The following NDUFS4 variants were observed in gnomAD, a reference collection of about 807,000 sequenced individuals.
NDUFS4 encodes NADH:ubiquinone oxidoreductase subunit S4.
In NDUFS4, 28 loss-of-function variants were observed where a neutral mutation model predicts 24.3. That is an observed-to-expected ratio of 1.15 (90% confidence interval 0.85 to 1.58). NDUFS4 has a LOEUF of 1.58. NDUFS4 is among the 40% of genes most tolerant of loss of function. NDUFS4 has a pLI of 0.00. For missense variants in NDUFS4, 223 were observed against 207.9 expected, an observed-to-expected ratio of 1.07 and a Z score of -0.45; for synonymous variants, 93 against 69.7, an observed-to-expected ratio of 1.34 and a Z score of -1.67.
intron 4 of NDUFS4, among the ~76,000 whole-genome samples, chr5:53,660,157 C>T (rs1752290862): frequency 8.4e-6 from 1 of 119,590 alleles, no homozygotes. Flanking sequence ...CTCCCCCCAC[C>T]CCACAACAGG....
chr5:53,620,373 G>T (rs1750995572), intron 2 of NDUFS4, among the ~76,000 whole-genome samples: 1 of 152,028 alleles, frequency 6.6e-6, no homozygotes, highest in African/African-American at 2.4e-5. Flanking sequence ...CATTAATGAT[G>T]CAACATTGAT....
chr5:53,567,490 G>A (rs1749070640), intron 1 of NDUFS4, among the ~76,000 whole-genome samples: 1 of 152,060 alleles, frequency 6.6e-6, no homozygotes, highest in Non-Finnish European at 1.5e-5. Flanking sequence ...TTTTTGGTAA[G>A]GGACTTTTCA....
At chr5:53,630,939 G>A (rs1203479188) in intron 2 of NDUFS4, among the ~76,000 whole-genome samples, 1 of 152,168 alleles carries the variant, frequency 6.6e-6, no homozygotes, top group Admixed American at 6.5e-5. Context: ...GAGGAGTTAT[G>A]ATCCTTTGGA....
intron 2 of NDUFS4, among the ~76,000 whole-genome samples, chr5:53,645,275 A>AT (rs1751828169): frequency 6.6e-6 from 1 of 152,134 alleles, no homozygotes; most frequent in Non-Finnish European, 1.5e-5. Flanking sequence ...CTAAATGGAG[A>AT]TTTAACCCAT....
intron 1 of NDUFS4, among the ~76,000 whole-genome samples, chr5:53,579,296 A>G (rs1001473320): frequency 1.3e-5 from 2 of 152,240 alleles, no homozygotes; most frequent in African/African-American, 4.8e-5. Flanking sequence ...TTATATACAC[A>G]TGAATATATG....
At chr5:53,640,577 G>GAA (rs1751681612) in intron 2 of NDUFS4, among the ~76,000 whole-genome samples, 1 of 152,030 alleles carries the variant, frequency 6.6e-6, no homozygotes, top group Non-Finnish European at 1.5e-5. Context: ...AAGAGAGAGA[G>GAA]AATGTGTCAG....
chr5:53,659,525 G>A (rs553018150), intron 4 of NDUFS4, among the ~76,000 whole-genome samples: 1 of 152,172 alleles, frequency 6.6e-6, no homozygotes, highest in East Asian at 1.9e-4. Flanking sequence ...GATACTACTT[G>A]ATAACTATTA....
chr5:53,581,928 A>G (rs769422528), intron 1 of NDUFS4, among the ~76,000 whole-genome samples: 8 of 152,192 alleles, frequency 5.3e-5, no homozygotes, highest in Non-Finnish European at 1.2e-4. Flanking sequence ...AATGTGAGCT[A>G]GGGCTGGGCG....
intron 3 of NDUFS4, among the ~76,000 whole-genome samples, chr5:53,651,057 T>C (rs1752002912): frequency 6.6e-6 from 1 of 152,208 alleles, no homozygotes; most frequent in Non-Finnish European, 1.5e-5. Context: ...AAAAAGTTTT[T>C]TGAAGCAATA....
intron 3 of NDUFS4, among the ~76,000 whole-genome samples, chr5:53,655,159 T>C (rs993950351): frequency 3.9e-5 from 6 of 152,184 alleles, no homozygotes; most frequent in Non-Finnish European, 7.4e-5. Flanking sequence ...TATTGAAATA[T>C]ACATTAAGAA....
rs559576228 is a variant in NDUFS4 at position 53,589,655 on chromosome 5, C to A, written c.99-13797C>A. Among the ~76,000 whole-genome samples the A allele has an allele frequency of 4.6e-5, 7 of 152,118 alleles. No homozygotes were observed. The South Asian group carries it at 1.5e-3, about 32-fold the overall frequency. ...GGATTGAAGGATGCAAAGTATTGAT[C>A]CTGGGTGTGTCTGTGAGGGTGTTGC... On this transcript the variant is annotated intron_variant, in intron 1 of 4. Coordinates refer to ENST00000296684, the MANE Select transcript of NDUFS4 (RefSeq NM_002495.4).
At chr5:53,662,113 G>A (rs184679012) in intron 4 of NDUFS4, among the ~76,000 whole-genome samples, 2 of 152,256 alleles carry the variant, frequency 1.3e-5, no homozygotes, top group East Asian at 3.9e-4. Context: ...TGCCCATTCA[G>A]TATGATATTG....
intron 2 of NDUFS4, among the ~76,000 whole-genome samples, chr5:53,613,377 T>G (rs1265277746): frequency 6.6e-6 from 1 of 152,040 alleles, no homozygotes; most frequent in Non-Finnish European, 1.5e-5. Context: ...GTATTTCATT[T>G]TACATCAAAG....
At chr5:53,584,867 A>G (rs914148699) in intron 1 of NDUFS4, among the ~76,000 whole-genome samples, 4 of 152,064 alleles carry the variant, frequency 2.6e-5, no homozygotes, top group African/African-American at 7.2e-5. Flanking sequence ...TCCTGGGTTC[A>G]AGTGATTCCT....
chr5:53,597,733 T>G (rs1398710115), intron 1 of NDUFS4, among the ~76,000 whole-genome samples: 3 of 152,140 alleles, frequency 2.0e-5, no homozygotes, highest in African/African-American at 7.2e-5. Context: ...GCATCATCCA[T>G]GAACGAAAAA....
intron 2 of NDUFS4, among the ~76,000 whole-genome samples, chr5:53,621,654 A>G (rs547807917): frequency 4.3e-4 from 61 of 141,256 alleles, no homozygotes; most frequent in African/African-American, 1.5e-3. Flanking sequence ...GTTGACACAC[A>G]TTTTACTTCC....
chr5:53,602,450 C>A (rs977355995), intron 1 of NDUFS4, among the ~76,000 whole-genome samples: 8 of 151,932 alleles, frequency 5.3e-5, no homozygotes, highest in African/African-American at 1.9e-4. Context: ...AGCAGTAAAA[C>A]CTCTTGTATT....
intron 1 of NDUFS4, among the ~76,000 whole-genome samples, chr5:53,578,584 T>TGAAA (rs1354061299): frequency 6.6e-6 from 1 of 152,224 alleles, no homozygotes; most frequent in African/African-American, 2.4e-5. Flanking sequence ...AACTGTGCTT[T>TGAAA]CCTTGTTTCT....
At chr5:53,671,193 T>C (rs1740221704) in intron 4 of NDUFS4, among the ~76,000 whole-genome samples, 1 of 152,104 alleles carries the variant, frequency 6.6e-6, no homozygotes, top group African/African-American at 2.4e-5. Flanking sequence ...AGGCTCATCT[T>C]TTTATATAAG....
Sources: gnomAD v4.1 joint callset for allele counts (sites outside exome capture counted in the v4.1 genomes callset) on GRCh38, gnomAD v4.1.1 for gene constraint, MANE v1.5 for transcripts, NCBI Gene and HGNC (gene_info 2026-07-23, HGNC 2026-07-21) for gene names.